ARHGAP28: variants seen among roughly 807,000 people sequenced by gnomAD.
ARHGAP28 encodes the protein Rho GTPase activating protein 28.
A neutral mutation model predicts 90.7 loss-of-function variants in ARHGAP28; 56 were observed. The ratio of observed to expected loss-of-function variants is 0.62; its 90% confidence interval spans 0.50 to 0.77. The LOEUF (loss-of-function observed/expected upper bound fraction) is 0.77. Among genes scored for constraint, ARHGAP28 ranks in the 30% least tolerant of loss-of-function variants. The probability of loss-of-function intolerance (pLI) is 0.00; values close to 1 mark genes in which losing one functional copy is unlikely to be tolerated. For synonymous variants in ARHGAP28, 308 were observed against 323.3 expected, an observed-to-expected ratio of 0.95 and a Z score of 0.51; for missense variants, 869 against 900.9, an observed-to-expected ratio of 0.96 and a Z score of 0.45.
At chr18:6,834,204 T>C (rs1235458597) in intron 2 of ARHGAP28, among the ~76,000 whole-genome samples, 1 of 151,880 alleles carries the variant, frequency 6.6e-6, no homozygotes, top group African/African-American at 2.4e-5. Flanking sequence ...GAGATGATAA[T>C]CTAGTAGAAG....
chr18:6,903,311 T>C (rs943727459), intron 16 of ARHGAP28, among the ~76,000 whole-genome samples: 2 of 152,204 alleles, frequency 1.3e-5, no homozygotes, highest in African/African-American at 4.8e-5. Flanking sequence ...TTTCGTTATA[T>C]GTATTTTACC....
At chr18:6,834,410 A>G (rs894152889) in intron 2 of ARHGAP28, 2 of 152,136 alleles carry the variant, frequency 1.3e-5, no homozygotes, top group African/African-American at 2.4e-5. Context: ...TATGAGGTCA[A>G]GTAGAAGGAC....
intron 15 of ARHGAP28, among the ~76,000 whole-genome samples, chr18:6,895,693 A>C (rs79583170): frequency 6.6e-6 from 1 of 152,134 alleles, no homozygotes; most frequent in South Asian, 2.1e-4. Flanking sequence ...GGCACTCCCT[A>C]CTGCAGTTTA....
At chr18:6,852,328 A>G (rs2056917115) in intron 4 of ARHGAP28, among the ~76,000 whole-genome samples, 1 of 152,232 alleles carries the variant, frequency 6.6e-6, no homozygotes, top group Non-Finnish European at 1.5e-5. Flanking sequence ...TGTGCAGTCA[A>G]CATAAATGAA....
chr18:6,789,241 GAGCT>G (rs2056388489), intron 1 of ARHGAP28: 1 of 152,088 alleles, frequency 6.6e-6, no homozygotes, highest in Non-Finnish European at 1.5e-5. Context: ...GCATGGTAGG[GAGCT>G]AGCTGAAGGC....
chr18:6,790,153 T>TA (rs1239019510), intron 1 of ARHGAP28: 1 of 152,200 alleles, frequency 6.6e-6, no homozygotes, highest in Non-Finnish European at 1.5e-5. Flanking sequence ...ATTGTTTCTT[T>TA]AATGGTTGTT....
intron 5 of ARHGAP28, among the ~76,000 whole-genome samples, chr18:6,863,786 ATT>A (rs397962617): frequency 9.0e-5 from 13 of 143,692 alleles, no homozygotes; most frequent in Non-Finnish European, 7.6e-5. Flanking sequence ...GCTTTGTTTA[ATT>A]TTTTTTTTTT....
At chr18:6,879,098 G>A (rs1600279075) in intron 10 of ARHGAP28, among the ~76,000 whole-genome samples, 1 of 152,272 alleles carries the variant, frequency 6.6e-6, no homozygotes, top group East Asian at 1.9e-4. Flanking sequence ...TAGCCAAACA[G>A]GGAACACGCA....
At chr18:6,870,220 G>A (rs868127730) in intron 6 of ARHGAP28, among the ~76,000 whole-genome samples, 15 of 152,274 alleles carry the variant, frequency 9.9e-5, no homozygotes, top group Middle Eastern at 3.4e-3. Context: ...CTGCTTACCC[G>A]TAACAGTGAC....
At chr18:6,868,036 CT>C in intron 5 of ARHGAP28, 113 bp from the exon 6 acceptor site, 5 of 841,310 alleles carry the variant, frequency 5.9e-6, no homozygotes, top group South Asian at 1.9e-5. Flanking sequence ...TCAAGAATGG[CT>C]TTTTTTATGT....
chr18:6,909,641 ACT>A lies in ARHGAP28; in HGVS notation c.2095+620_2095+621del, dbSNP rs1350146897. On this transcript the variant is annotated intron_variant, in intron 17 of 17. Coordinates refer to ENST00000383472, the MANE Select transcript of ARHGAP28 (RefSeq NM_001366230.1). ...TTGAAGTTGGAAAGTCTCTCTGGAG[ACT>A]CTGCAAAACAAAGAGAATACTGTAA... Among the ~76,000 whole-genome samples the A allele has an allele frequency of 2.6e-5, 4 of 152,008 alleles. No homozygotes were observed. In the East Asian group the frequency reaches 5.8e-4, roughly 22 times the overall value.
chr18:6,740,991 A>G (rs991552693), intron 1 of ARHGAP28, among the ~76,000 whole-genome samples: 1 of 152,144 alleles, frequency 6.6e-6, no homozygotes, highest in Admixed American at 6.5e-5. Context: ...GGAAGAGGGG[A>G]GAACTGGCTC....
intron 4 of ARHGAP28, among the ~76,000 whole-genome samples, chr18:6,853,835 T>C (rs182139549): frequency 2.0e-5 from 3 of 152,308 alleles, no homozygotes; most frequent in Admixed American, 6.5e-5. Context: ...TTGTTCCACC[T>C]TTCCAGATCG....
intron 16 of ARHGAP28, among the ~76,000 whole-genome samples, chr18:6,904,618 A>G (rs567058081): frequency 6.6e-6 from 1 of 152,298 alleles, no homozygotes; most frequent in East Asian, 1.9e-4. Context: ...TAAAAACAGG[A>G]AAACGAGAAA....
At chr18:6,737,174 T>C (rs2055936419) in intron 1 of ARHGAP28, among the ~76,000 whole-genome samples, 1 of 152,216 alleles carries the variant, frequency 6.6e-6, no homozygotes, top group South Asian at 2.1e-4. Flanking sequence ...ATTCTATCTG[T>C]TTAAGCAATA....
chr18:6,870,004 A>G (rs1412240857), intron 6 of ARHGAP28, among the ~76,000 whole-genome samples: 1 of 152,232 alleles, frequency 6.6e-6, no homozygotes, highest in Non-Finnish European at 1.5e-5. Context: ...GCTTTTTCTC[A>G]ATGTATGTCA....
At chr18:6,761,750 A>G (rs761659432) in intron 1 of ARHGAP28, among the ~76,000 whole-genome samples, 1 of 152,214 alleles carries the variant, frequency 6.6e-6, no homozygotes, top group Non-Finnish European at 1.5e-5. Flanking sequence ...AGTGGTTTTC[A>G]ACTTGGGCTC....
At chr18:6,903,236 G>C (rs1366014108) in intron 16 of ARHGAP28, among the ~76,000 whole-genome samples, 2 of 152,036 alleles carry the variant, frequency 1.3e-5, no homozygotes, top group East Asian at 3.9e-4. Context: ...GGTTATGCTT[G>C]TACAACATTA....
intron 16 of ARHGAP28, among the ~76,000 whole-genome samples, chr18:6,901,713 G>A (rs529592907): frequency 6.6e-6 from 1 of 152,120 alleles, no homozygotes; most frequent in Non-Finnish European, 1.5e-5. Context: ...AGGCAACTAT[G>A]ATAAATTATC....
Sources: allele counts gnomAD v4.1 joint callset (sites outside exome capture counted in the v4.1 genomes callset), GRCh38; gene constraint gnomAD v4.1.1; transcripts MANE v1.5; gene names NCBI Gene and HGNC (gene_info 2026-07-23, HGNC 2026-07-21).